The following STXBP5 variants were observed in gnomAD, a reference collection of about 807,000 sequenced individuals.
STXBP5 encodes syntaxin-binding protein 5.
A neutral mutation model predicts 152.4 loss-of-function variants in STXBP5; 50 were observed. The observed-to-expected ratio is 0.33, with a 90% confidence interval of 0.26 to 0.42. The LOEUF (loss-of-function observed/expected upper bound fraction) is 0.42, where lower values mean the gene tolerates loss of function less well. Among genes scored for constraint, STXBP5 ranks in the 10% least tolerant of loss-of-function variants. STXBP5 has a pLI of 1.00. For synonymous variants in STXBP5, 492 were observed against 494.7 expected (o/e 0.99, Z 0.07); for missense variants, 1,167 against 1,388.6 (o/e 0.84, Z 2.54).
At chr6:147,350,717 A>G (rs533380945) in intron 21 of STXBP5, among the ~76,000 whole-genome samples, 2 of 152,210 alleles carry the variant, frequency 1.3e-5, no homozygotes, top group African/African-American at 2.4e-5. Flanking sequence ...GTAGTAGCTC[A>G]TCTGTATAGT....
At chr6:147,310,505 A>G (rs1782314053) in intron 10 of STXBP5, among the ~76,000 whole-genome samples, 1 of 149,372 alleles carries the variant, frequency 6.7e-6, no homozygotes, top group Non-Finnish European at 1.5e-5. Flanking sequence ...TTCTCCATAG[A>G]CGCACACACT....
chr6:147,293,038 G>A (rs1781355212), intron 9 of STXBP5: 1 of 152,072 alleles, frequency 6.6e-6, no homozygotes, highest in African/African-American at 2.4e-5. Flanking sequence ...CCTTTTCTAT[G>A]TTTATATACA....
At position 147,283,099 on chromosome 6, in the gene STXBP5, G is replaced by A. The variant is rs541498101; in HGVS notation, c.838+4895G>A. On this transcript the variant is annotated intron_variant, in intron 8 of 27. Transcript: ENST00000321680. The stretch of plus-strand genomic sequence containing the variant: ...GGGTTGGACAAGCTTGTGCTAGACA[G>A]TCAAAACCCATAGATTTTTATTATA... Among the ~76,000 whole-genome samples the A allele has an allele frequency of 6.6e-5, 10 of 152,316 alleles. 1 individual carries two copies. In the South Asian group the frequency reaches 1.9e-3, roughly 28 times the overall value.
chr6:147,301,836 G>C (rs1031942715), intron 9 of STXBP5, among the ~76,000 whole-genome samples: 1 of 152,162 alleles, frequency 6.6e-6, no homozygotes, highest in Non-Finnish European at 1.5e-5. Context: ...AATCAAGCCA[G>C]CTCACATGGT....
chr6:147,320,038 C>A (rs1038638657), intron 16 of STXBP5, among the ~76,000 whole-genome samples: 1 of 151,636 alleles, frequency 6.6e-6, no homozygotes, highest in Non-Finnish European at 1.5e-5. Flanking sequence ...GATGGGTTTT[C>A]GGCATGTTAC....
In STXBP5 at chr6:147,244,568, T is replaced by G. The variant is rs192714991; in HGVS notation, c.431+5298T>G. 3.9e-5 allele frequency among the ~76,000 whole-genome samples: 6 copies of G among 152,328 alleles called. No homozygotes were observed. The East Asian group carries it at 1.2e-3, about 29-fold the overall frequency. ...TTTATTAATGAATGGTGTCTTATAATTAATTGAAAATGTTTTGTGAATTTT... is the reference window on the plus strand; with the variant it reads ...TTTATTAATGAATGGTGTCTTATAAGTAATTGAAAATGTTTTGTGAATTTT... On this transcript the variant is annotated intron_variant, in intron 4 of 27. Transcript: ENST00000321680.
At chr6:147,329,230 A>G (rs1489438912) in intron 18 of STXBP5, among the ~76,000 whole-genome samples, 2 of 148,288 alleles carry the variant, frequency 1.3e-5, no homozygotes, top group Non-Finnish European at 3.0e-5. Flanking sequence ...TTTATATTTT[A>G]TTTATATTAT....
chr6:147,334,879 C>T (rs549545094), intron 19 of STXBP5, among the ~76,000 whole-genome samples: 47 of 152,174 alleles, frequency 3.1e-4, no homozygotes, highest in African/African-American at 9.9e-4. Context: ...GTGAAGAGAT[C>T]ATTCTTAGCA....
chr6:147,205,546 C>T (rs184118306), intron 1 of STXBP5, among the ~76,000 whole-genome samples: 21 of 152,210 alleles, frequency 1.4e-4, no homozygotes, highest in Non-Finnish European at 2.5e-4. Context: ...AATTATATGA[C>T]AGCTTTTCCT....
chr6:147,314,060 G>C, intron 12 of STXBP5, 29 bp downstream of exon 12: 1 of 1,552,282 alleles, frequency 6.4e-7, no homozygotes, highest in Non-Finnish European at 8.7e-7. Flanking sequence ...AGTATTTAAT[G>C]TTATATTTCT....
chr6:147,279,657 C>T (rs1422534913), intron 8 of STXBP5, among the ~76,000 whole-genome samples: 1 of 152,160 alleles, frequency 6.6e-6, no homozygotes, highest in African/African-American at 2.4e-5. Flanking sequence ...AAATTCCCTA[C>T]ACATCTATTT....
intron 26 of STXBP5, among the ~76,000 whole-genome samples, chr6:147,380,247 A>G (rs1340355948): frequency 2.0e-5 from 3 of 151,764 alleles, no homozygotes; most frequent in Non-Finnish European, 2.9e-5. Context: ...GGACTCAAAC[A>G]TTTCAGTTTC....
intron 8 of STXBP5, among the ~76,000 whole-genome samples, chr6:147,280,794 C>T (rs1780666080): frequency 6.6e-6 from 1 of 152,042 alleles, no homozygotes; most frequent in African/African-American, 2.4e-5. Flanking sequence ...ATAAAAAAGA[C>T]AATATGTGAC....
intron 4 of STXBP5, among the ~76,000 whole-genome samples, chr6:147,241,572 G>A (rs1459866636): frequency 6.6e-6 from 1 of 152,066 alleles, no homozygotes; most frequent in South Asian, 2.1e-4. Flanking sequence ...TATGATGGTG[G>A]TCCCAAAAGA....
At chr6:147,346,963 C>A (rs1784368090) in intron 21 of STXBP5, among the ~76,000 whole-genome samples, 1 of 152,162 alleles carries the variant, frequency 6.6e-6, no homozygotes, top group Non-Finnish European at 1.5e-5. Flanking sequence ...TGCGACAGAG[C>A]ACGTTCCCGT....
chr6:147,258,419 C>G (rs1779481798), intron 4 of STXBP5, among the ~76,000 whole-genome samples: 1 of 152,022 alleles, frequency 6.6e-6, no homozygotes, highest in African/African-American at 2.4e-5. Context: ...ACGCATAACA[C>G]ATAGTTTTTT....
intron 23 of STXBP5, 36 bp from the exon 24 acceptor site, chr6:147,363,299 A>G: frequency 6.5e-7 from 1 of 1,526,754 alleles, no homozygotes; most frequent in Non-Finnish European, 8.8e-7. Flanking sequence ...TGTTGATTAA[A>G]ATATTTCAGT....
chr6:147,321,092 TA>T (rs1782914254), intron 16 of STXBP5, among the ~76,000 whole-genome samples: 1 of 152,190 alleles, frequency 6.6e-6, no homozygotes, highest in African/African-American at 2.4e-5. Flanking sequence ...CATTTTTGTC[TA>T]AAATCTATAT....
Position 147,316,295 on chromosome 6 carries a change from C to T in STXBP5, c.1690C>T (p.Pro564Ser). 1 of 1,613,972 alleles carries T rather than the reference C, an allele frequency of 6.2e-7. No homozygotes were observed. Among genetic ancestry groups the T allele is most frequent in the African/African-American group, 1.3e-5 (1 of 75,026 alleles). Residue 564 changes from proline (P) to serine (S), a missense_variant, in exon 16 of 28, where the codon CCT (proline) becomes TCT (serine). This residue lies in a region of STXBP5 where 833 missense variants were observed against 986.3 expected (regional missense o/e 0.84). Transcript: ENST00000321680. The stretch of plus-strand genomic sequence containing the variant: ...AACTCCGGAGGGTGAGCAGCCACCA[C>T]CTTTGCCAACACCCGTGGGAGGGTC... Reference protein sequence around the residue: ...VETPEGEQPPPLPTPVGGSNP... With the variant: ...VETPEGEQPPSLPTPVGGSNP...
Sources: gnomAD v4.1 joint callset for allele counts (sites outside exome capture counted in the v4.1 genomes callset) on GRCh38, gnomAD v4.1.1 for gene constraint, gnomAD v4.1.1 regional missense constraint, MANE v1.5 for transcripts, NCBI Gene and HGNC (gene_info 2026-07-23, HGNC 2026-07-21) for gene names.